Variants in SPHKAP observed in about 807,000 individuals in gnomAD.
The protein encoded by SPHKAP is A-kinase anchor protein SPHKAP.
Under a neutral mutation model 137.5 loss-of-function variants are expected in SPHKAP, and 67 were observed. The ratio of observed to expected loss-of-function variants is 0.49; its 90% CI spans 0.40 to 0.60. The LOEUF (loss-of-function observed/expected upper bound fraction) is 0.60. Ranked by LOEUF, SPHKAP falls within the 20% of genes least tolerant of loss-of-function variation. The probability of loss-of-function intolerance (pLI) is 0.00; values close to 1 mark genes in which losing one functional copy is unlikely to be tolerated. For synonymous variants in SPHKAP, 813 were observed against 785.3 expected, an observed-to-expected ratio of 1.04 and a Z score of -0.59; for missense variants, 2,097 against 2,069.3, an observed-to-expected ratio of 1.01 and a Z score of -0.26.
intron 3 of SPHKAP, among the ~76,000 whole-genome samples, chr2:228,049,994 GA>G (rs1696199106): frequency 6.6e-6 from 1 of 151,816 alleles, no homozygotes; most frequent in Non-Finnish European, 1.5e-5. Context: ...AACTCAACAA[GA>G]AAAAACAAAT....
intron 3 of SPHKAP, among the ~76,000 whole-genome samples, chr2:228,072,397 C>T (rs1455117869): frequency 1.3e-5 from 2 of 151,804 alleles, no homozygotes; most frequent in Non-Finnish European, 2.9e-5. Context: ...GGTGGGAACC[C>T]GAGAAGATGA....
chr2:228,094,204 A>T (rs1225281831), intron 3 of SPHKAP, among the ~76,000 whole-genome samples: 1 of 152,208 alleles, frequency 6.6e-6, no homozygotes. Context: ...TAATATTTGG[A>T]GCGGGGAACC....
Position 228,018,559 on chromosome 2 carries a change from G to A in SPHKAP, c.2295C>T (p.Ala765=), listed in dbSNP as rs774617651. The change falls in exon 7 of 12, where the codon GCC becomes GCT. Residue 765 remains alanine, a synonymous_variant. Coordinates refer to ENST00000392056, the MANE Select transcript of SPHKAP (RefSeq NM_001142644.2). ...GTGGAGAGCTGCTGGAGGATTCAGTGGCTTTTGTCCAAGCTTGACTAGCAC... is the reference window on the plus strand; with the variant it reads ...GTGGAGAGCTGCTGGAGGATTCAGTAGCTTTTGTCCAAGCTTGACTAGCAC... ...DPGASQAWTK[A]TESSSSSPLS... is the part of the protein sequence containing the mutation. 6 of 1,613,768 alleles carry A rather than the reference G, an allele frequency of 3.7e-6. No individual in the cohort carries two copies. The South Asian group carries it at 6.6e-5, about 18-fold the overall frequency.
intron 3 of SPHKAP, among the ~76,000 whole-genome samples, chr2:228,092,519 A>G (rs1440065190): frequency 1.1e-5 from 1 of 94,350 alleles, no homozygotes; most frequent in Non-Finnish European, 2.2e-5. Context: ...TATATGTGCC[A>G]TATATATGTA....
At position 227,980,221 on chromosome 2, in the gene SPHKAP, A is replaced by G. The variant is rs2106143322; in HGVS notation, c.*1496T>C. 6.6e-6 allele frequency: 1 copy of G among 152,582 alleles called. No homozygotes were observed. Among genetic ancestry groups the G allele is most frequent in the Middle Eastern group, 3.4e-3 (1 of 294 alleles). 9.5% of individuals were successfully genotyped at this position (152,582 alleles called of 1,614,324 possible). On this transcript the variant is annotated 3_prime_UTR_variant, in exon 12 of 12. Coordinates refer to ENST00000392056, the MANE Select transcript of SPHKAP (RefSeq NM_001142644.2). ...TAGTTAATGTGTCAAATTAAGCATA[A>G]TAACCTAAATTTGGACTATCTGAAT...
intron 7 of SPHKAP, among the ~76,000 whole-genome samples, chr2:228,008,989 A>G (rs1488908384): frequency 6.6e-6 from 1 of 152,160 alleles, no homozygotes; most frequent in Non-Finnish European, 1.5e-5. Context: ...CTTTGGAATT[A>G]GTTTGTTGAT....
At chr2:228,180,305 G>A (rs926658390) in intron 1 of SPHKAP, among the ~76,000 whole-genome samples, 1 of 152,090 alleles carries the variant, frequency 6.6e-6, no homozygotes, top group Non-Finnish European at 1.5e-5. Context: ...ATTTCATCGC[G>A]GAATACAAAT....
intron 11 of SPHKAP, among the ~76,000 whole-genome samples, chr2:227,984,721 A>G (rs1412439686): frequency 8.5e-5 from 13 of 152,152 alleles, no homozygotes; most frequent in Non-Finnish European, 4.4e-5. Context: ...CTGGAAATCT[A>G]GAAAGTAGAG....
intron 3 of SPHKAP, among the ~76,000 whole-genome samples, chr2:228,048,684 A>T (rs1231635593): frequency 6.6e-6 from 1 of 152,176 alleles, no homozygotes; most frequent in African/African-American, 2.4e-5. Flanking sequence ...CCTGCTGTAC[A>T]GGTTTGTAGC....
chr2:228,023,000 G>A lies in SPHKAP; in HGVS notation c.442-1034C>T, dbSNP rs541054658. On this transcript the variant is annotated intron_variant, in intron 5 of 11. Transcript: ENST00000392056. ...AACTAATTATCTCTAAAAGACCAGC[G>A]TATGGGAAAAACAGTGATAAAGAGG... 2.8e-4 allele frequency among the ~76,000 whole-genome samples: 42 copies of A among 152,274 alleles called. No homozygotes were observed. The South Asian group carries it at 5.4e-3, about 20-fold the overall frequency.
At chr2:228,171,674 G>T (rs1335437426) in intron 1 of SPHKAP, among the ~76,000 whole-genome samples, 1 of 151,984 alleles carries the variant, frequency 6.6e-6, no homozygotes, top group Non-Finnish European at 1.5e-5. Flanking sequence ...CTACTTCCTA[G>T]CATGTCTCTT....
chr2:228,163,988 G>A (rs1288439507), intron 1 of SPHKAP, among the ~76,000 whole-genome samples: 1 of 152,106 alleles, frequency 6.6e-6, no homozygotes, highest in Non-Finnish European at 1.5e-5. Context: ...AGAGGGGATT[G>A]ATATTTGGGT....
Position 228,012,160 on chromosome 2 carries a change from C to A in SPHKAP, c.4448+4246G>T, listed in dbSNP as rs182042449. 7.4e-4 allele frequency among the ~76,000 whole-genome samples: 66 copies of A among 89,356 alleles called. 1 individual carries two copies. The highest frequency in any genetic ancestry group is 3.3e-3 in the African/African-American group (63 of 18,890). The allele number at this position is 89,356 out of a possible 152,430, so 58.6% of individuals were successfully genotyped here. On this transcript the variant is annotated intron_variant, in intron 7 of 11. Coordinates refer to ENST00000392056, the MANE Select transcript of SPHKAP (RefSeq NM_001142644.2). ...TCCAGCCTGGGTGACAGAGACTCTA[C>A]CTCAAAAAAAAAAAAAAAAAAAAAA... is the stretch of plus-strand genomic sequence containing the variant.
chr2:228,109,993 C>A (rs10192657), intron 2 of SPHKAP, among the ~76,000 whole-genome samples: 47,468 of 139,054 alleles, frequency 0.34, 8,420 homozygotes, highest in East Asian at 0.51. Flanking sequence ...AATATTGTAT[C>A]ACATTTTCTT....
rs368388808 is a variant in SPHKAP at position 227,996,513 on chromosome 2, C to A, written c.4449-819G>T. Among the ~76,000 whole-genome samples the A allele has an allele frequency of 6.4e-4, 97 of 152,296 alleles. 1 individual carries two copies. Among genetic ancestry groups the A allele is most frequent in the Middle Eastern group, 3.4e-3 (1 of 294 alleles). On this transcript the variant is annotated intron_variant, in intron 7 of 11. Transcript: ENST00000392056. Reference sequence around the variant, plus strand: ...CTGATTGATTTCCTGTCCTCCTTTCCACAGTCGGTTCCTAAGCAATCTCAT... The same window carrying A: ...CTGATTGATTTCCTGTCCTCCTTTCAACAGTCGGTTCCTAAGCAATCTCAT...
chr2:228,161,098 G>A (rs78117385), intron 1 of SPHKAP, among the ~76,000 whole-genome samples: 19,394 of 152,196 alleles, frequency 0.13, 1,257 homozygotes, highest in East Asian at 0.2. Context: ...CATGAACTGT[G>A]AGGCACTGAT....
intron 2 of SPHKAP, among the ~76,000 whole-genome samples, chr2:228,121,947 G>A (rs1698918157): frequency 6.6e-6 from 1 of 152,108 alleles, no homozygotes; most frequent in Non-Finnish European, 1.5e-5. Context: ...GGAATGCAGT[G>A]TCTACTCCAG....
At position 228,142,566 on chromosome 2, in the gene SPHKAP, G is replaced by A. The variant is rs533817332; in HGVS notation, c.33-10481C>T. Among the ~76,000 whole-genome samples the A allele has an allele frequency of 3.4e-4, 51 of 152,180 alleles. 1 individual carries two copies. The highest frequency in any genetic ancestry group is 1.2e-3 in the African/African-American group (50 of 41,512). On this transcript the variant is annotated intron_variant, in intron 1 of 11. Coordinates refer to ENST00000392056, the MANE Select transcript of SPHKAP (RefSeq NM_001142644.2). Reference sequence around the variant, plus strand: ...TTTTGTGAGAACATGGATGGTGCTGGAGGCTATTAACCTTAGCAAACTAAC... The same window carrying A: ...TTTTGTGAGAACATGGATGGTGCTGAAGGCTATTAACCTTAGCAAACTAAC...
intron 3 of SPHKAP, among the ~76,000 whole-genome samples, chr2:228,092,364 CAT>C (rs1218673046): frequency 6.4e-5 from 9 of 141,000 alleles, no homozygotes; most frequent in Non-Finnish European, 1.1e-4. Context: ...TATATACACA[CAT>C]ATACATACAG....
Sources: allele counts gnomAD v4.1 joint callset (sites outside exome capture counted in the v4.1 genomes callset), GRCh38; gene constraint gnomAD v4.1.1; transcripts MANE v1.5; gene names NCBI Gene and HGNC (gene_info 2026-07-23, HGNC 2026-07-21).